Variants in GPR143 observed in about 807,000 individuals in gnomAD.
GPR143 encodes the protein G-protein coupled receptor 143.
GPR143 carries 8 observed loss-of-function variants against 27.6 expected under a neutral mutation model. That is an observed-to-expected ratio of 0.29 (90% CI 0.17 to 0.52). The LOEUF (loss-of-function observed/expected upper bound fraction) is 0.52, where lower values mean the gene tolerates loss of function less well. Ranked by LOEUF, GPR143 falls within the 20% of genes least tolerant of loss-of-function variation. The pLI is 0.96. For synonymous variants in GPR143, 156 were observed against 153.2 expected, an observed-to-expected ratio of 1.02 and a Z score of -0.13; for missense variants, 303 against 343.1, an observed-to-expected ratio of 0.88 and a Z score of 0.92.
At chrX:9,731,368 CAA>C (rs35048847) in intron 8 of GPR143, among the ~76,000 whole-genome samples, 125 of 95,075 alleles carry the variant, frequency 1.3e-3, no homozygotes, top group African/African-American at 4.4e-3. Flanking sequence ...GACTCTGTCT[CAA>C]AAAAAAAAAG....
intron 1 of GPR143, among the ~76,000 whole-genome samples, chrX:9,776,424 G>A (rs777401079): frequency 2.2e-4 from 24 of 111,416 alleles, no homozygotes; most frequent in African/African-American, 7.8e-4. Flanking sequence ...ACAGAGTCTC[G>A]CTCTGTTGCC....
chrX:9,761,234 C>T (rs188846629), intron 1 of GPR143, among the ~76,000 whole-genome samples: 93 of 111,363 alleles, frequency 8.4e-4, no homozygotes, highest in African/African-American at 2.6e-3. Context: ...GCTGGGATTA[C>T]AGGCACCCAC....
intron 1 of GPR143, among the ~76,000 whole-genome samples, chrX:9,761,314 A>G (rs1021423131): frequency 1.8e-5 from 2 of 112,166 alleles, no homozygotes; most frequent in Non-Finnish European, 3.8e-5. Context: ...GGCTGGTCTC[A>G]AACTCCTGAC....
chrX:9,733,628 A>G (rs2083365514), intron 8 of GPR143, among the ~76,000 whole-genome samples: 1 of 111,671 alleles, frequency 9.0e-6, no homozygotes, highest in Non-Finnish European at 1.9e-5. Context: ...AGAACTGTGG[A>G]AAAAAAGAAA....
chrX:9,764,319 G>T (rs763944064), intron 1 of GPR143, among the ~76,000 whole-genome samples: 1 of 111,511 alleles, frequency 9.0e-6, no homozygotes, highest in East Asian at 2.8e-4. Flanking sequence ...TTTTTAAAAA[G>T]TAGGATGTAA....
intron 3 of GPR143, among the ~76,000 whole-genome samples, chrX:9,750,802 A>G (rs1269898389): frequency 8.9e-6 from 1 of 112,419 alleles, no homozygotes; most frequent in Non-Finnish European, 1.9e-5. Flanking sequence ...ACCTCAAGTC[A>G]TCCACCTGCC....
intron 3 of GPR143, among the ~76,000 whole-genome samples, chrX:9,758,603 T>A (rs769534658): frequency 8.9e-6 from 1 of 111,896 alleles, no homozygotes; most frequent in African/African-American, 3.3e-5. Flanking sequence ...TAATAAAAAA[T>A]TGTTTATGCA....
intron 1 of GPR143, among the ~76,000 whole-genome samples, chrX:9,761,306 C>A (rs867810495): frequency 1.8e-5 from 2 of 112,107 alleles, no homozygotes; most frequent in South Asian, 3.7e-4. Flanking sequence ...GTTGGCCAGG[C>A]TGGTCTCAAA....
At chrX:9,738,232 T>C (rs900160502) in intron 8 of GPR143, 3 of 117,931 alleles carry the variant, frequency 2.5e-5, no homozygotes, top group Non-Finnish European at 3.4e-5. Context: ...TTTACTGTTA[T>C]TTCTAGTGTT....
At chrX:9,729,613 G>T (rs1281168948) in intron 8 of GPR143, among the ~76,000 whole-genome samples, 1 of 112,338 alleles carries the variant, frequency 8.9e-6, no homozygotes, top group Non-Finnish European at 1.9e-5. Flanking sequence ...GGTCTTAAAG[G>T]TCTCTGTGAG....
chrX:9,771,204 A>G (rs924825744), intron 1 of GPR143, among the ~76,000 whole-genome samples: 6 of 111,243 alleles, frequency 5.4e-5, no homozygotes, highest in Admixed American at 4.8e-4. Flanking sequence ...GACCACAGGC[A>G]TACACCATCA....
chrX:9,725,861 G>C (rs1265704520), intron 8 of GPR143, 21 bp from the exon 9 acceptor site: 1 of 1,199,740 alleles, frequency 8.3e-7, no homozygotes. Flanking sequence ...AAAGACAAAA[G>C]ACTGACTGTG....
chrX:9,772,913 T>C (rs1482854626), intron 1 of GPR143, among the ~76,000 whole-genome samples: 1 of 110,123 alleles, frequency 9.1e-6, no homozygotes, highest in Non-Finnish European at 1.9e-5. Context: ...AAACTGGCAT[T>C]TGTGATGGAA....
At chrX:9,769,979 A>C (rs2083547574), upstream of GPR143, among the ~76,000 whole-genome samples, 1 of 109,813 alleles carries the variant, frequency 9.1e-6, no homozygotes, top group Non-Finnish European at 1.9e-5. Context: ...ATTCAGAATG[A>C]GCCTTCCAAG....
At chrX:9,730,809 T>C (rs950755395) in intron 8 of GPR143, among the ~76,000 whole-genome samples, 3 of 112,007 alleles carry the variant, frequency 2.7e-5, no homozygotes, top group African/African-American at 9.7e-5. Context: ...AGGCTCTTGT[T>C]TGAAGCATGA....
At chrX:9,761,180 G>A (rs777084992) in intron 1 of GPR143, among the ~76,000 whole-genome samples, 54 of 110,726 alleles carry the variant, frequency 4.9e-4, no homozygotes, top group Middle Eastern at 4.7e-3. Flanking sequence ...TGCAAATTCC[G>A]CCTCCCAGGT....
upstream of GPR143, among the ~76,000 whole-genome samples, chrX:9,768,111 G>A (rs1439963563): frequency 8.9e-6 from 1 of 111,905 alleles, no homozygotes; most frequent in Non-Finnish European, 1.9e-5. Context: ...GGATATGAAT[G>A]CAGATTCCTA....
intron 1 of GPR143, among the ~76,000 whole-genome samples, chrX:9,761,180 G>C (rs777084992): frequency 7.2e-5 from 8 of 110,680 alleles, no homozygotes; most frequent in African/African-American, 2.6e-4. Flanking sequence ...TGCAAATTCC[G>C]CCTCCCAGGT....
intron 3 of GPR143, among the ~76,000 whole-genome samples, chrX:9,753,875 C>T (rs775459873): frequency 5.4e-5 from 6 of 111,927 alleles, no homozygotes; most frequent in African/African-American, 1.6e-4. Flanking sequence ...ACTTGCCTTT[C>T]GCCTCCCCAT....
Sources: allele counts gnomAD v4.1 joint callset (sites outside exome capture counted in the v4.1 genomes callset), GRCh38; gene constraint gnomAD v4.1.1; transcripts MANE v1.5; gene names NCBI Gene and HGNC (gene_info 2026-07-23, HGNC 2026-07-21).